CSMD1: variants seen among roughly 807,000 people sequenced by gnomAD.
The protein encoded by CSMD1 is CUB and Sushi multiple domains 1.
A neutral mutation model predicts 417.5 loss-of-function variants in CSMD1; 213 were observed. The ratio of observed to expected loss-of-function variants is 0.51; its 90% CI spans 0.46 to 0.57. The LOEUF is 0.57. Among genes scored for constraint, CSMD1 ranks in the 20% least tolerant of loss-of-function variants. The pLI, the probability that CSMD1 is intolerant of heterozygous loss-of-function variation, is 0.00. For missense variants in CSMD1, 6,923 were observed against 4,529.7 expected (o/e 1.53, Z -15.17); for synonymous variants, 2,862 against 1,736.8 (o/e 1.65, Z -16.11).
chr8:4,857,942 C>G (rs921957669), intron 1 of CSMD1, among the ~76,000 whole-genome samples: 2 of 151,928 alleles, frequency 1.3e-5, no homozygotes, highest in African/African-American at 4.8e-5. Flanking sequence ...GATACCAAAG[C>G]CAGGCAGAGA....
intron 18 of CSMD1, 129 bp downstream of exon 18, chr8:3,387,365 C>A (rs533312718): frequency 4.4e-5 from 30 of 678,382 alleles, no homozygotes; most frequent in Non-Finnish European, 7.1e-5. Context: ...TGGTATACAA[C>A]TTCTCAGAGG....
At chr8:3,156,967 C>T (rs367853325) in intron 39 of CSMD1, among the ~76,000 whole-genome samples, 3 of 143,702 alleles carry the variant, frequency 2.1e-5, no homozygotes, top group East Asian at 2.0e-4. Context: ...TAAGGTAATA[C>T]CCAGATTTGT....
At chr8:3,382,628 AAT>A (rs1289571182) in intron 18 of CSMD1, among the ~76,000 whole-genome samples, 10 of 143,444 alleles carry the variant, frequency 7.0e-5, no homozygotes, top group African/African-American at 2.5e-4. Flanking sequence ...TATAAATATA[AAT>A]ATCTCTCTCT....
rs1252379195 is a variant in CSMD1 at position 4,527,122 on chromosome 8, A to C, written c.303-107057T>G. Among the ~76,000 whole-genome samples the C allele has an allele frequency of 2.0e-5, 3 of 152,148 alleles. No homozygotes were observed. In the East Asian group the frequency reaches 5.8e-4, roughly 29 times the overall value. On this transcript the variant is annotated intron_variant, in intron 2 of 69. Transcript: ENST00000635120. ...GGAGGATTCTAACTTGCTTTTACTT[A>C]AGATATTTTTCAAGAAAGTTAAGTT...
intron 49 of CSMD1, among the ~76,000 whole-genome samples, chr8:3,084,735 A>G (rs1001627975): frequency 2.0e-4 from 31 of 152,098 alleles, no homozygotes; most frequent in African/African-American, 7.0e-4. Context: ...GTACAACCTT[A>G]TGCTATTTAA....
intron 3 of CSMD1, among the ~76,000 whole-genome samples, chr8:4,299,599 C>T (rs556620636): frequency 2.0e-5 from 3 of 152,242 alleles, no homozygotes; most frequent in East Asian, 1.9e-4. Flanking sequence ...CCCATATTGG[C>T]CAATATTTTT....
At chr8:3,609,127 A>C (rs2469340) in intron 8 of CSMD1, among the ~76,000 whole-genome samples, 2 of 152,166 alleles carry the variant, frequency 1.3e-5, no homozygotes, top group East Asian at 3.9e-4. Context: ...TGACTCTGAC[A>C]AGATATAGCA....
intron 5 of CSMD1, among the ~76,000 whole-genome samples, chr8:3,807,247 T>A (rs1208042660): frequency 6.6e-6 from 1 of 152,188 alleles, no homozygotes; most frequent in Non-Finnish European, 1.5e-5. Flanking sequence ...GCCATAGTAA[T>A]TTCCATTCTT....
intron 6 of CSMD1, among the ~76,000 whole-genome samples, chr8:3,744,289 C>T (rs558134680): frequency 2.0e-5 from 3 of 152,144 alleles, no homozygotes; most frequent in Admixed American, 6.5e-5. Context: ...TTTGAAAAGG[C>T]GGATGGGGAC....
At chr8:4,369,610 A>G (rs577832784) in intron 3 of CSMD1, among the ~76,000 whole-genome samples, 1 of 152,084 alleles carries the variant, frequency 6.6e-6, no homozygotes, top group Non-Finnish European at 1.5e-5. Context: ...TTGTTTTATG[A>G]CTATGAGTGC....
At chr8:4,435,713 C>A (rs1161482686) in intron 2 of CSMD1, among the ~76,000 whole-genome samples, 1 of 152,136 alleles carries the variant, frequency 6.6e-6, no homozygotes, top group Non-Finnish European at 1.5e-5. Flanking sequence ...CTGTGTGGGG[C>A]TGTGGCTGCC....
intron 1 of CSMD1, among the ~76,000 whole-genome samples, chr8:4,789,404 C>G (rs745345929): frequency 6.6e-6 from 1 of 152,136 alleles, no homozygotes; most frequent in Non-Finnish European, 1.5e-5. Context: ...TTTACCTACA[C>G]TCTCGTATCT....
At chr8:3,196,146 T>C (rs777092268) in intron 33 of CSMD1, among the ~76,000 whole-genome samples, 12 of 152,198 alleles carry the variant, frequency 7.9e-5, no homozygotes, top group Non-Finnish European at 1.8e-4. Flanking sequence ...CTGCTCATTA[T>C]ATACTAATTA....
intron 5 of CSMD1, among the ~76,000 whole-genome samples, chr8:3,876,576 C>G (rs1462877160): frequency 6.6e-6 from 1 of 152,074 alleles, no homozygotes; most frequent in African/African-American, 2.4e-5. Context: ...AAATGAGGTA[C>G]TGGCTTTTTA....
chr8:3,551,443 C>T (rs1798907504), intron 10 of CSMD1, among the ~76,000 whole-genome samples: 1 of 152,032 alleles, frequency 6.6e-6, no homozygotes, highest in Non-Finnish European at 1.5e-5. Context: ...TGCACACTGA[C>T]AGCTAAGGAG....
intron 7 of CSMD1, among the ~76,000 whole-genome samples, chr8:3,620,964 T>G (rs2117193424): frequency 6.6e-6 from 1 of 152,186 alleles, no homozygotes; most frequent in Non-Finnish European, 1.5e-5. Context: ...TTTAAAGAGG[T>G]AATTAACTTA....
At chr8:4,134,160 T>C (rs565482971) in intron 3 of CSMD1, among the ~76,000 whole-genome samples, 2 of 152,208 alleles carry the variant, frequency 1.3e-5, no homozygotes, top group Non-Finnish European at 2.9e-5. Flanking sequence ...GAAACTCATG[T>C]GTATGTTTGA....
intron 1 of CSMD1, among the ~76,000 whole-genome samples, chr8:4,843,804 C>T (rs993202530): frequency 7.2e-5 from 11 of 152,164 alleles, no homozygotes; most frequent in Admixed American, 3.9e-4. Context: ...ACTGATACAA[C>T]GTAAAATAGA....
At chr8:4,649,341 C>T (rs1272775280) in intron 1 of CSMD1, among the ~76,000 whole-genome samples, 1 of 152,016 alleles carries the variant, frequency 6.6e-6, no homozygotes, top group Non-Finnish European at 1.5e-5. Flanking sequence ...TGACAGAGTA[C>T]CTATTATAAG....
Sources: gnomAD v4.1 joint callset for allele counts (sites outside exome capture counted in the v4.1 genomes callset) on GRCh38, gnomAD v4.1.1 for gene constraint, MANE v1.5 for transcripts, NCBI Gene and HGNC (gene_info 2026-07-23, HGNC 2026-07-21) for gene names.